SNUPN: variants seen among roughly 807,000 people sequenced by gnomAD.
SNUPN encodes snurportin-1.
A neutral mutation model predicts 39.2 loss-of-function variants in SNUPN; 31 were observed. That is an observed-to-expected ratio of 0.79 (90% confidence interval 0.59 to 1.07). The LOEUF (loss-of-function observed/expected upper bound fraction) is 1.07. SNUPN is among the 50% of genes least tolerant of loss of function. The probability of loss-of-function intolerance (pLI) is 0.00; values close to 1 mark genes in which losing one functional copy is unlikely to be tolerated. For missense variants in SNUPN, 382 were observed against 434.2 expected, an observed-to-expected ratio of 0.88 and a Z score of 1.07; for synonymous variants, 132 against 159.0, an observed-to-expected ratio of 0.83 and a Z score of 1.28.
chr15:75,608,145 C>T (rs1359443121), intron 5 of SNUPN, among the ~76,000 whole-genome samples: 2 of 152,058 alleles, frequency 1.3e-5, no homozygotes, highest in African/African-American at 4.8e-5. Context: ...CTTTGGGAGG[C>T]CAAGGCAGGC....
chr15:75,619,000 T>C (rs1334611538), intron 2 of SNUPN, among the ~76,000 whole-genome samples: 1 of 124,574 alleles, frequency 8.0e-6, no homozygotes. Flanking sequence ...CAGAACAGTA[T>C]ATAGTATACT....
intron 3 of SNUPN, 26 bp downstream of exon 3, chr15:75,617,382 G>A (rs1892964252): frequency 6.2e-7 from 1 of 1,608,000 alleles, no homozygotes; most frequent in African/African-American, 1.3e-5. Context: ...AGATTAGCTG[G>A]GTCTCATCTT....
At chr15:75,601,683 C>CTGCA (rs2141360587) in intron 7 of SNUPN, among the ~76,000 whole-genome samples, 1 of 152,222 alleles carries the variant, frequency 6.6e-6, no homozygotes, top group South Asian at 2.1e-4. Flanking sequence ...GAGGTCAAGG[C>CTGCA]TGCAGTAAGC....
intron 3 of SNUPN, among the ~76,000 whole-genome samples, chr15:75,616,223 G>A (rs1312836542): frequency 2.0e-5 from 3 of 150,874 alleles, no homozygotes; most frequent in East Asian, 4.0e-4. Flanking sequence ...TTGGGAGGCC[G>A]AGGGGGGTGG....
At chr15:75,626,099 G>A (rs770370319), upstream of SNUPN, 1 of 152,320 alleles carries the variant, frequency 6.6e-6, no homozygotes, top group Admixed American at 6.5e-5. Flanking sequence ...GCTTCACCTG[G>A]AGTCCCCTTC....
rs1892726255 is a variant in SNUPN, at chr15:75,609,549, T to C, written c.502+9A>G. The C allele has an allele frequency of 3.7e-6, 6 of 1,606,750 alleles. No homozygotes were observed. The highest frequency in any genetic ancestry group is 3.3e-5 in the South Asian group (3 of 90,948). ...TACTGATCAATAAGTAGACACTCTATGTAGGTACCTTTTGCTGTTGAGTTT... is the reference window on the plus strand; with the variant it reads ...TACTGATCAATAAGTAGACACTCTACGTAGGTACCTTTTGCTGTTGAGTTT... On this transcript the variant is annotated intron_variant, in intron 5 of 8. Coordinates refer to ENST00000308588, the MANE Select transcript of SNUPN (RefSeq NM_005701.4).
intron 3 of SNUPN, among the ~76,000 whole-genome samples, chr15:75,616,594 G>A (rs1892945377): frequency 6.6e-6 from 1 of 152,120 alleles, no homozygotes; most frequent in Non-Finnish European, 1.5e-5. Context: ...CTCAGGCCCA[G>A]GAACCATATT....
rs1282981830 is a variant in SNUPN at position 75,598,528 on chromosome 15, G to A, written c.913C>T (p.Gln305Ter). 1 of 1,614,172 alleles carries A rather than the reference G, an allele frequency of 6.2e-7. No homozygotes were observed. The highest frequency in any genetic ancestry group is 1.1e-5 in the South Asian group (1 of 91,090). ...LTTKPDYAGH[Q>*]LQQIMEHKKS... Reference sequence around the variant, plus strand: ...TTGTGCTCCATAATCTGCTGGAGCTGGTGCCCAGCATAGTCTGGCTTGGTG... The same window carrying A: ...TTGTGCTCCATAATCTGCTGGAGCTAGTGCCCAGCATAGTCTGGCTTGGTG... The change falls in exon 9 of 9, where the codon CAG (glutamine) becomes TAG (stop). Residue 305 changes from glutamine to a stop codon, truncating the protein, a stop_gained. Coordinates refer to ENST00000308588, the MANE Select transcript of SNUPN (RefSeq NM_005701.4). LOFTEE classifies it low-confidence loss of function (END_TRUNC).
At position 75,621,130 on chromosome 15, in the gene SNUPN, T is replaced by C. The variant is rs551062668; in HGVS notation, c.-5-74A>G. 3.5e-6 allele frequency: 5 copies of C among 1,410,662 alleles called. No individual in the cohort carries two copies. The African/African-American group carries it at 4.3e-5, about 12-fold the overall frequency. The allele number at this position is 1,410,662 out of a possible 1,614,324, so 87.4% of individuals were successfully genotyped here. A position where few individuals can be genotyped will look rare whatever the true frequency, so the allele number is the denominator to read the frequency against. On this transcript the variant is annotated intron_variant, in intron 1 of 8. Transcript: ENST00000308588. ...CTGTATACAGACAGTTATGCAGTTA[T>C]GATATGATGGCCACATTCCTGAAAA... is the stretch of plus-strand genomic sequence containing the variant.
chr15:75,621,629 C>A (rs1386022929), intron 1 of SNUPN, among the ~76,000 whole-genome samples: 1 of 152,142 alleles, frequency 6.6e-6, no homozygotes, highest in Non-Finnish European at 1.5e-5. Context: ...ACTCTCCATG[C>A]AGTTTATTCA....
intron 7 of SNUPN, among the ~76,000 whole-genome samples, chr15:75,602,638 C>T (rs1400714375): frequency 6.6e-6 from 1 of 151,870 alleles, no homozygotes; most frequent in African/African-American, 2.4e-5. Context: ...CAGAGTTGCG[C>T]TCTTTCACCC....
upstream of SNUPN, chr15:75,625,989 C>G (rs944781583): frequency 1.3e-5 from 2 of 152,474 alleles, no homozygotes. Flanking sequence ...AACACAAGCT[C>G]TTCGGGGCTC....
chr15:75,606,525 T>A (rs1221029528), intron 6 of SNUPN, among the ~76,000 whole-genome samples: 1 of 151,844 alleles, frequency 6.6e-6, no homozygotes, highest in African/African-American at 2.4e-5. Context: ...ATTATACAAC[T>A]GGGACAATGA....
intron 3 of SNUPN, among the ~76,000 whole-genome samples, chr15:75,614,894 A>G (rs1330301933): frequency 6.6e-6 from 1 of 152,138 alleles, no homozygotes; most frequent in Non-Finnish European, 1.5e-5. Context: ...ATCCTATGAG[A>G]TAAGTACTAT....
intron 7 of SNUPN, among the ~76,000 whole-genome samples, chr15:75,604,050 C>G (rs2075312175): frequency 1.3e-5 from 2 of 151,814 alleles, no homozygotes; most frequent in South Asian, 4.2e-4. Flanking sequence ...AGAGAGCAGT[C>G]TTCCCCTTCC....
In SNUPN at chr15:75,604,501, C is replaced by T. The variant is rs193165354; in HGVS notation, c.678+649G>A. 3.4e-3 allele frequency among the ~76,000 whole-genome samples: 524 copies of T among 152,250 alleles called. 2 individuals carry two copies. Among genetic ancestry groups the T allele is most frequent in the Non-Finnish European group, 6.0e-3 (406 of 68,022 alleles). On this transcript the variant is annotated intron_variant, in intron 7 of 8. Coordinates refer to ENST00000308588, the MANE Select transcript of SNUPN (RefSeq NM_005701.4). ...TTTTTGTGAGCAATCCAAGCAAATG[C>T]CAATCTGCAGGGCTAATAAAATGCC...
chr15:75,609,575 C>T lies in SNUPN; in HGVS notation c.485G>A (p.Arg162Gln), dbSNP rs779814386. The T allele has an allele frequency of 5.8e-5, 93 of 1,613,558 alleles. No homozygotes were observed. The highest frequency in any genetic ancestry group is 6.9e-5 in the Non-Finnish European group (81 of 1,179,590). Residue 162 changes from arginine (R) to glutamine (Q), a missense_variant, in exon 5 of 9, where the codon CGA becomes CAA. Arg to Gln is a conservative substitution (Grantham distance 43). Transcript: ENST00000308588. ...GTAGGTACCTTTTGCTGTTGAGTTT[C>T]GCCTGTTGCCTCCTGGCAGAAGTGA... Reference protein sequence around the residue: ...FSSLLPGGNRRNSTAKDYTIL... With the variant: ...FSSLLPGGNRQNSTAKDYTIL...
At chr15:75,605,079 T>C in intron 7 of SNUPN, 71 bp downstream of exon 7, 1 of 900,148 alleles carries the variant, frequency 1.1e-6, no homozygotes, top group East Asian at 2.5e-5. Flanking sequence ...ACATAATGAT[T>C]ATATTTAGAT....
intron 8 of SNUPN, among the ~76,000 whole-genome samples, chr15:75,599,924 C>T (rs1274461385): frequency 6.6e-6 from 1 of 151,464 alleles, no homozygotes; most frequent in Non-Finnish European, 1.5e-5. Flanking sequence ...CAGCTCAGTG[C>T]AACCTCCGCC....
Sources: allele counts gnomAD v4.1 joint callset (sites outside exome capture counted in the v4.1 genomes callset), GRCh38; gene constraint gnomAD v4.1.1; transcripts MANE v1.5; gene names NCBI Gene and HGNC (gene_info 2026-07-23, HGNC 2026-07-21).